Variants in ASTN1 observed in about 807,000 individuals in gnomAD.
ASTN1 encodes the protein astrotactin-1.
In ASTN1, 41 loss-of-function variants were observed where a neutral mutation model predicts 140.7. The observed-to-expected ratio is 0.29, with a 90% CI of 0.23 to 0.38. The LOEUF (loss-of-function observed/expected upper bound fraction) is 0.38. Among genes scored for constraint, ASTN1 ranks in the 10% least tolerant of loss-of-function variants. The pLI, the probability that ASTN1 is intolerant of heterozygous loss-of-function variation, is 1.00. For synonymous variants in ASTN1, 640 were observed against 652.2 expected (o/e 0.98, Z 0.29); for missense variants, 1,479 against 1,678.8 (o/e 0.88, Z 2.08).
At chr1:176,943,379 C>A (rs1671821151) in intron 14 of ASTN1, among the ~76,000 whole-genome samples, 1 of 152,212 alleles carries the variant, frequency 6.6e-6, no homozygotes, top group Non-Finnish European at 1.5e-5. Context: ...TGATGGGGGA[C>A]CATGAGGCCA....
intron 1 of ASTN1, among the ~76,000 whole-genome samples, chr1:177,071,278 C>A (rs898782812): frequency 6.6e-6 from 1 of 152,142 alleles, no homozygotes; most frequent in African/African-American, 2.4e-5. Flanking sequence ...GCAAGGCCAG[C>A]CCCAGGGAGC....
intron 1 of ASTN1, among the ~76,000 whole-genome samples, chr1:177,124,943 C>T (rs573687117): frequency 2.0e-5 from 3 of 152,346 alleles, no homozygotes; most frequent in African/African-American, 7.2e-5. Context: ...GCCAACCCAT[C>T]ACTTGGCAAG....
chr1:177,139,342 G>T (rs1482782929), intron 1 of ASTN1, among the ~76,000 whole-genome samples: 1 of 152,212 alleles, frequency 6.6e-6, no homozygotes, highest in Non-Finnish European at 1.5e-5. Flanking sequence ...GGGCAAATGT[G>T]AAAAGTACTT....
At chr1:176,951,946 A>C (rs899742035) in intron 11 of ASTN1, among the ~76,000 whole-genome samples, 13 of 152,232 alleles carry the variant, frequency 8.5e-5, no homozygotes, top group Non-Finnish European at 4.4e-5. Flanking sequence ...GATGAGGAAA[A>C]TTAGACTCAG....
At chr1:177,160,467 T>C (rs900293400) in intron 1 of ASTN1, among the ~76,000 whole-genome samples, 2 of 152,224 alleles carry the variant, frequency 1.3e-5, no homozygotes, top group African/African-American at 4.8e-5. Context: ...TAAAGCAAAA[T>C]GCCAAGGCAC....
At chr1:177,121,199 A>G (rs1392597888) in intron 1 of ASTN1, among the ~76,000 whole-genome samples, 2 of 152,142 alleles carry the variant, frequency 1.3e-5, no homozygotes, top group Non-Finnish European at 2.9e-5. Context: ...TCATAATCCT[A>G]CACAGGATGA....
At chr1:177,002,825 T>A (rs1034130332) in intron 8 of ASTN1, among the ~76,000 whole-genome samples, 7 of 152,160 alleles carry the variant, frequency 4.6e-5, no homozygotes, top group Admixed American at 6.5e-5. Flanking sequence ...TCACCTTTTT[T>A]TAAAATATCC....
chr1:176,910,748 G>C (rs1191830730), intron 16 of ASTN1, among the ~76,000 whole-genome samples: 1 of 152,192 alleles, frequency 6.6e-6, no homozygotes, highest in Non-Finnish European at 1.5e-5. Context: ...CCAGTCCATG[G>C]ACTGTTAGGA....
At chr1:177,019,286 T>C (rs1359857189) in intron 7 of ASTN1, among the ~76,000 whole-genome samples, 1 of 152,216 alleles carries the variant, frequency 6.6e-6, no homozygotes, top group African/African-American at 2.4e-5. Flanking sequence ...TAAAGCACAA[T>C]GCTTGACACA....
downstream of ASTN1, among the ~76,000 whole-genome samples, chr1:176,857,830 C>A (rs1053827493): frequency 6.6e-6 from 1 of 152,190 alleles, no homozygotes; most frequent in African/African-American, 2.4e-5. Flanking sequence ...GCATGTAAGG[C>A]ACATTCAGCC....
intron 11 of ASTN1, among the ~76,000 whole-genome samples, chr1:176,955,917 G>A (rs1240641493): frequency 3.3e-5 from 5 of 152,216 alleles, no homozygotes; most frequent in East Asian, 1.9e-4. Flanking sequence ...TTAGAATGAC[G>A]CCAGACAGTA....
intron 2 of ASTN1, among the ~76,000 whole-genome samples, chr1:177,034,177 A>T (rs570163492): frequency 1.3e-5 from 2 of 152,048 alleles, no homozygotes; most frequent in South Asian, 4.2e-4. Flanking sequence ...CCTTGGATTT[A>T]TAAAATTTCT....
intron 16 of ASTN1, among the ~76,000 whole-genome samples, chr1:176,921,902 T>C (rs1670740082): frequency 6.6e-6 from 1 of 152,154 alleles, no homozygotes; most frequent in Non-Finnish European, 1.5e-5. Flanking sequence ...AACAATATGC[T>C]ATCATTTCTA....
At chr1:177,017,582 T>C (rs568223286) in intron 7 of ASTN1, among the ~76,000 whole-genome samples, 2 of 152,276 alleles carry the variant, frequency 1.3e-5, no homozygotes, top group African/African-American at 2.4e-5. Context: ...AGTGTTACAG[T>C]CTCTGCATCT....
chr1:176,936,939 T>G (rs1671475244), intron 14 of ASTN1, among the ~76,000 whole-genome samples: 2 of 152,206 alleles, frequency 1.3e-5, no homozygotes. Context: ...TCATCCTATC[T>G]ACTTTACAGG....
At chr1:176,913,784 A>G (rs1281656457) in intron 16 of ASTN1, among the ~76,000 whole-genome samples, 1 of 152,210 alleles carries the variant, frequency 6.6e-6, no homozygotes, top group African/African-American at 2.4e-5. Flanking sequence ...ATGATTGGAA[A>G]GTAGATAAGA....
chr1:177,049,085 T>C (rs947886085), intron 2 of ASTN1, among the ~76,000 whole-genome samples: 1 of 152,168 alleles, frequency 6.6e-6, no homozygotes, highest in African/African-American at 2.4e-5. Flanking sequence ...CTGCAGGGAA[T>C]GGAAGAAAGT....
At chr1:177,147,039 T>TA (rs1285554090) in intron 1 of ASTN1, among the ~76,000 whole-genome samples, 10 of 151,944 alleles carry the variant, frequency 6.6e-5, no homozygotes, top group Admixed American at 2.0e-4. Flanking sequence ...CTGGATTTTT[T>TA]TAAAAAAAAA....
intron 2 of ASTN1, among the ~76,000 whole-genome samples, chr1:177,048,880 G>A (rs1175875648): frequency 6.6e-6 from 1 of 152,204 alleles, no homozygotes; most frequent in South Asian, 2.1e-4. Context: ...CCCCCACTGG[G>A]CCATGTGAAG....
Sources: allele counts gnomAD v4.1 joint callset (sites outside exome capture counted in the v4.1 genomes callset), GRCh38; gene constraint gnomAD v4.1.1; transcripts MANE v1.5; gene names NCBI Gene and HGNC (gene_info 2026-07-23, HGNC 2026-07-21).